Variants in RABGAP1L observed in about 807,000 individuals in gnomAD.
The protein encoded by RABGAP1L is RAB GTPase activating protein 1 like, also known as rab GTPase-activating protein 1-like.
RABGAP1L carries 63 observed loss-of-function variants against 137.7 expected under a neutral mutation model. That is an observed-to-expected ratio of 0.46 (90% CI 0.37 to 0.56). The LOEUF is 0.56. Ranked by LOEUF, RABGAP1L falls within the 20% of genes least tolerant of loss-of-function variation. The pLI is 0.00. For synonymous variants in RABGAP1L, 431 were observed against 433.7 expected, an observed-to-expected ratio of 0.99 and a Z score of 0.08; for missense variants, 1,095 against 1,244.0, an observed-to-expected ratio of 0.88 and a Z score of 1.80.
intron 19 of RABGAP1L, among the ~76,000 whole-genome samples, chr1:174,888,212 T>A (rs757312131): frequency 3.9e-5 from 6 of 152,198 alleles, no homozygotes; most frequent in Non-Finnish European, 5.9e-5. Flanking sequence ...ATATCTGTGG[T>A]ATCTATAGGT....
chr1:174,957,640 C>A, intron 20 of RABGAP1L, 91 bp downstream of exon 20: 1 of 1,161,990 alleles, frequency 8.6e-7, no homozygotes, highest in Non-Finnish European at 1.3e-6. Context: ...TGGTCTTGAA[C>A]ACCTGGCCTC....
At chr1:174,486,458 T>G (rs988129755) in intron 13 of RABGAP1L, among the ~76,000 whole-genome samples, 2 of 151,714 alleles carry the variant, frequency 1.3e-5, no homozygotes, top group Non-Finnish European at 2.9e-5. Flanking sequence ...GCCATTCTCC[T>G]GCCTCAGCCT....
chr1:174,581,694 A>C (rs1017656191), intron 13 of RABGAP1L, among the ~76,000 whole-genome samples: 3 of 152,320 alleles, frequency 2.0e-5, no homozygotes, highest in Non-Finnish European at 4.4e-5. Context: ...ATTTTTTCGT[A>C]TGTGAATTTT....
At chr1:174,780,679 A>G (rs1389554371) in intron 18 of RABGAP1L, among the ~76,000 whole-genome samples, 23 of 149,662 alleles carry the variant, frequency 1.5e-4, no homozygotes, top group African/African-American at 5.4e-4. Flanking sequence ...TTAACTCGTC[A>G]TTTACATTAG....
chr1:174,477,210 T>G (rs1163788473), intron 13 of RABGAP1L, among the ~76,000 whole-genome samples: 1 of 152,218 alleles, frequency 6.6e-6, no homozygotes, highest in Non-Finnish European at 1.5e-5. Context: ...TAAATCTCCT[T>G]AGCTAATCTA....
chr1:174,205,623 G>A (rs1046315832), intron 1 of RABGAP1L, among the ~76,000 whole-genome samples: 1 of 152,052 alleles, frequency 6.6e-6, no homozygotes, highest in African/African-American at 2.4e-5. Context: ...TGTGGGGTCA[G>A]TGGTAACATT....
At position 174,753,672 on chromosome 1, in the gene RABGAP1L, A is replaced by C. The variant is rs181323198; in HGVS notation, c.2211+1318A>C. On this transcript the variant is annotated intron_variant, in intron 18 of 25. Coordinates refer to ENST00000681986, the MANE Select transcript of RABGAP1L (RefSeq NM_001366446.1). ...GACCTCTAATTTTTTTCTTTCATTA[A>C]AACAAATCCAAGCTGAAACTTTCCA... Among the ~76,000 whole-genome samples the C allele has an allele frequency of 2.4e-3, 362 of 152,300 alleles. 1 individual carries two copies. The highest frequency in any genetic ancestry group is 3.7e-3 in the Non-Finnish European group (250 of 68,036).
intron 7 of RABGAP1L, among the ~76,000 whole-genome samples, chr1:174,269,170 C>G (rs1034887436): frequency 6.6e-6 from 1 of 152,166 alleles, no homozygotes; most frequent in African/African-American, 2.4e-5. Context: ...GTCTCAATCT[C>G]CCGACCTCGT....
chr1:174,463,399 A>G (rs1456305301), intron 13 of RABGAP1L, among the ~76,000 whole-genome samples: 1 of 151,978 alleles, frequency 6.6e-6, no homozygotes, highest in Non-Finnish European at 1.5e-5. Flanking sequence ...ATTCTCAGTA[A>G]ACTATCGCAA....
intron 19 of RABGAP1L, among the ~76,000 whole-genome samples, chr1:174,862,663 A>G (rs1403719851): frequency 1.3e-5 from 2 of 152,054 alleles, no homozygotes; most frequent in East Asian, 3.9e-4. Context: ...GCTGTTCCCT[A>G]ATTTTTCATT....
At chr1:174,404,675 A>C (rs1485132850) in intron 13 of RABGAP1L, among the ~76,000 whole-genome samples, 1 of 152,152 alleles carries the variant, frequency 6.6e-6, no homozygotes, top group Non-Finnish European at 1.5e-5. Flanking sequence ...GGATAATAAT[A>C]CATATTAATT....
In RABGAP1L at chr1:174,828,994, T is replaced by C; in HGVS notation, c.2340+17034T>C. On this transcript the variant is annotated intron_variant, in intron 19 of 25. Coordinates refer to ENST00000681986, the MANE Select transcript of RABGAP1L (RefSeq NM_001366446.1). ...TGAAATAGGATTGCTATCAAGATTA[T>C]AAATAGGATAATATAAATAAGAAAC... 1.4e-5 allele frequency among the ~76,000 whole-genome samples: 2 copies of C among 148,064 alleles called. 1 individual carries two copies. Among genetic ancestry groups the C allele is most frequent in the Non-Finnish European group, 3.0e-5 (2 of 66,600 alleles).
intron 13 of RABGAP1L, among the ~76,000 whole-genome samples, chr1:174,519,352 T>C (rs548353690): frequency 8.5e-5 from 13 of 152,124 alleles, no homozygotes; most frequent in Admixed American, 2.0e-4. Flanking sequence ...ACAGAAGAAC[T>C]TGGAGTCCGA....
chr1:174,355,120 C>T (rs1683509280), intron 11 of RABGAP1L, among the ~76,000 whole-genome samples: 1 of 152,094 alleles, frequency 6.6e-6, no homozygotes, highest in African/African-American at 2.4e-5. Context: ...TGGGTATATA[C>T]CCAGAGGATT....
At chr1:174,543,869 A>G (rs1039071702) in intron 13 of RABGAP1L, among the ~76,000 whole-genome samples, 41 of 152,278 alleles carry the variant, frequency 2.7e-4, no homozygotes, top group African/African-American at 7.9e-4. Flanking sequence ...AGTTTGGCTG[A>G]ATATGAAATT....
At position 174,438,750 on chromosome 1, in the gene RABGAP1L, A is replaced by G. The variant is rs1019211914; in HGVS notation, c.1710+44605A>G. Among the ~76,000 whole-genome samples, 9 of 117,016 alleles carry G rather than the reference A, an allele frequency of 7.7e-5. 1 individual carries two copies. The highest frequency in any genetic ancestry group is 3.8e-4 in the African/African-American group (8 of 21,186). 76.8% of individuals were successfully genotyped at this position (117,016 alleles called of 152,430 possible). On this transcript the variant is annotated intron_variant, in intron 13 of 25. Transcript: ENST00000681986. ...CCAAAAAAAGTGTGTGTGTGTATAT[A>G]TATATATATATATATATATATATAT...
rs537426184 is a variant in RABGAP1L, at chr1:174,620,509, C to T, written c.1711-16866C>T. ...TCAAAATCACTCAACTACATGGAAA[C>T]TGAACAACCTGCTCCTGAATGACTG... On this transcript the variant is annotated intron_variant, in intron 13 of 25. Transcript: ENST00000681986. Among the ~76,000 whole-genome samples the T allele has an allele frequency of 1.6e-4, 24 of 152,286 alleles. No homozygotes were observed. The East Asian group carries it at 4.6e-3, about 29-fold the overall frequency.
At chr1:174,355,234 C>G (rs1273906094) in intron 11 of RABGAP1L, among the ~76,000 whole-genome samples, 3 of 151,962 alleles carry the variant, frequency 2.0e-5, no homozygotes, top group Non-Finnish European at 4.4e-5. Context: ...CCGCTATAGA[C>G]TGGATTAAGA....
chr1:174,588,356 G>T (rs750079514), intron 13 of RABGAP1L, among the ~76,000 whole-genome samples: 5 of 151,266 alleles, frequency 3.3e-5, no homozygotes, highest in Admixed American at 6.6e-5. Context: ...TAGAGATGGG[G>T]GTTTCATCAT....
Sources: gnomAD v4.1 joint callset for allele counts (sites outside exome capture counted in the v4.1 genomes callset) on GRCh38, gnomAD v4.1.1 for gene constraint, MANE v1.5 for transcripts, NCBI Gene and HGNC (gene_info 2026-07-23, HGNC 2026-07-21) for gene names.